MICU1: variants seen among roughly 807,000 people sequenced by gnomAD.
MICU1 encodes mitochondrial calcium uptake 1.
A neutral mutation model predicts 56.8 loss-of-function variants in MICU1; 45 were observed. The ratio of observed to expected loss-of-function variants is 0.79; its 90% CI spans 0.62 to 1.02. MICU1 has a LOEUF of 1.02. Ranked by LOEUF, MICU1 falls within the 50% of genes least tolerant of loss-of-function variation. The probability of loss-of-function intolerance (pLI) is 0.00; values close to 1 mark genes in which losing one functional copy is unlikely to be tolerated. For synonymous variants in MICU1, 186 were observed against 195.1 expected, an observed-to-expected ratio of 0.95 and a Z score of 0.39; for missense variants, 504 against 587.1, an observed-to-expected ratio of 0.86 and a Z score of 1.46.
chr10:72,563,212 C>T (rs1840344054), intron 2 of MICU1, 149 bp from the exon 3 acceptor site: 2 of 544,496 alleles, frequency 3.7e-6, no homozygotes, highest in Admixed American at 8.3e-5. Context: ...TAAAATAGAA[C>T]TTCCACATGA....
At chr10:72,514,369 G>C (rs1325937299) in intron 5 of MICU1, among the ~76,000 whole-genome samples, 1 of 151,746 alleles carries the variant, frequency 6.6e-6, no homozygotes, top group Non-Finnish European at 1.5e-5. Flanking sequence ...TGATTGGGCT[G>C]TAATTTATTG....
At chr10:72,408,073 T>C in intron 9 of MICU1, 36 bp from the exon 10 acceptor site, 2 of 1,442,022 alleles carry the variant, frequency 1.4e-6, no homozygotes, top group Non-Finnish European at 1.9e-6. Context: ...AGGCAGGACC[T>C]GTAACAAAAA....
At chr10:72,393,545 A>G (rs6480620) in intron 10 of MICU1, among the ~76,000 whole-genome samples, 10,878 of 152,126 alleles carry the variant, frequency 0.072, 1,332 homozygotes, top group African/African-American at 0.25. Context: ...GAGTGGAGTG[A>G]ACTGGGAAAA....
rs140004868 is a variant in MICU1 at position 72,404,909 on chromosome 10, TTTAA to T, written c.1180+3016_1180+3019del. Among the ~76,000 whole-genome samples the T allele has an allele frequency of 6.6e-3, 1,008 of 152,302 alleles. 17 individuals carry two copies. Among genetic ancestry groups the T allele is most frequent in the African/African-American group, 0.023 (963 of 41,562 alleles). ...ATCCCTCATTTTATTTATTTACTTA[TTTAA>T]TTATTATTTTTGAGATGGAGTCTTG... On this transcript the variant is annotated intron_variant, in intron 10 of 11. Coordinates refer to ENST00000361114, the MANE Select transcript of MICU1 (RefSeq NM_001195518.2).
intron 10 of MICU1, among the ~76,000 whole-genome samples, chr10:72,390,344 A>G (rs1372948173): frequency 6.6e-6 from 1 of 152,228 alleles, no homozygotes; most frequent in African/African-American, 2.4e-5. Context: ...GATGGTCTGG[A>G]GTAAATCAAA....
rs1380658174 is a variant in MICU1 at position 72,563,003 on chromosome 10, C to T, written c.222G>A (p.Gly74=). 1.2e-6 allele frequency: 2 copies of T among 1,607,710 alleles called. No homozygotes were observed. Among genetic ancestry groups the T allele is most frequent in the South Asian group, 1.1e-5 (1 of 89,356 alleles). The change falls in exon 3 of 12, where the codon GGG becomes GGA. Residue 74 remains glycine, a synonymous_variant. Coordinates refer to ENST00000361114, the MANE Select transcript of MICU1 (RefSeq NM_001195518.2). ...AAACATCCCCTTCATCTTTATTCTT[C>T]CCTTTATCACCGATGTCACTTTTTA... ...DNLKSDIGDK[G]KNKDEGDVCN...
At chr10:72,595,549 T>C (rs1000080739) in intron 1 of MICU1, among the ~76,000 whole-genome samples, 2 of 143,124 alleles carry the variant, frequency 1.4e-5, no homozygotes, top group Non-Finnish European at 3.0e-5. Flanking sequence ...TAAGCAGAAA[T>C]ACAGGCAGAA....
intron 3 of MICU1, among the ~76,000 whole-genome samples, chr10:72,552,274 C>T (rs1840052716): frequency 6.6e-6 from 1 of 152,100 alleles, no homozygotes; most frequent in African/African-American, 2.4e-5. Flanking sequence ...AACTAAAAGG[C>T]TGTCTAGTTA....
chr10:72,414,218 C>G (rs765259058), intron 9 of MICU1, among the ~76,000 whole-genome samples: 17 of 152,084 alleles, frequency 1.1e-4, no homozygotes, highest in Non-Finnish European at 1.9e-4. Context: ...TGGAAACAAT[C>G]CAAATGTGAA....
chr10:72,394,963 G>C (rs12767341), intron 10 of MICU1, among the ~76,000 whole-genome samples: 1 of 151,872 alleles, frequency 6.6e-6, no homozygotes, highest in Non-Finnish European at 1.5e-5. Flanking sequence ...GGCAGATCAC[G>C]AGGTCAGGAG....
chr10:72,421,841 C>T (rs145912974), intron 9 of MICU1, among the ~76,000 whole-genome samples: 120 of 152,322 alleles, frequency 7.9e-4, no homozygotes, highest in African/African-American at 2.8e-3. Flanking sequence ...TATTTAATGG[C>T]GTTCCATTGC....
At chr10:72,524,715 A>G in intron 5 of MICU1, 1 of 1,231,618 alleles carries the variant, frequency 8.1e-7, no homozygotes. Flanking sequence ...AATTTAAAGC[A>G]CATGCTGCTG....
intron 1 of MICU1, among the ~76,000 whole-genome samples, chr10:72,602,366 G>A (rs542669996): frequency 5.3e-5 from 8 of 151,406 alleles, no homozygotes; most frequent in Non-Finnish European, 1.0e-4. Flanking sequence ...CAGAAGAATC[G>A]CTTGAACCCA....
intron 1 of MICU1, among the ~76,000 whole-genome samples, chr10:72,588,821 T>C (rs1841140762): frequency 6.6e-6 from 1 of 152,152 alleles, no homozygotes; most frequent in South Asian, 2.1e-4. Context: ...CAAAAATGTC[T>C]TTAGACATTA....
At chr10:72,591,883 C>T (rs563864287) in intron 1 of MICU1, among the ~76,000 whole-genome samples, 11 of 151,864 alleles carry the variant, frequency 7.2e-5, no homozygotes, top group Admixed American at 5.9e-4. Context: ...GTGGTGTGTG[C>T]GCCTGGAATC....
rs898849228 is a variant in MICU1, at chr10:72,594,635, A to C, written c.-1-27841T>G. Among the ~76,000 whole-genome samples, 4 of 152,276 alleles carry C rather than the reference A, an allele frequency of 2.6e-5. 1 individual carries two copies. ...AAAAGATAGCCAGGTGTGGTGGCTC[A>C]CATCTGCAATCCCAGCACTTTCAGG... On this transcript the variant is annotated intron_variant, in intron 1 of 11. Coordinates refer to ENST00000361114, the MANE Select transcript of MICU1 (RefSeq NM_001195518.2).
intron 4 of MICU1, among the ~76,000 whole-genome samples, chr10:72,544,069 A>G (rs568808430): frequency 6.8e-4 from 103 of 152,316 alleles, no homozygotes; most frequent in African/African-American, 2.3e-3. Context: ...TATGTTATCT[A>G]TAGATTCCAG....
chr10:72,473,729 C>T (rs1027816175), intron 8 of MICU1, among the ~76,000 whole-genome samples: 6 of 152,054 alleles, frequency 3.9e-5, no homozygotes, highest in African/African-American at 1.2e-4. Flanking sequence ...AATTTGTTCC[C>T]GCTCATCAGT....
At chr10:72,371,605 G>T (rs1466777900) in intron 11 of MICU1, among the ~76,000 whole-genome samples, 1 of 151,946 alleles carries the variant, frequency 6.6e-6, no homozygotes, top group Non-Finnish European at 1.5e-5. Flanking sequence ...TTAGCCAGGC[G>T]TGGTGGTGGG....
Sources: allele counts gnomAD v4.1 joint callset (sites outside exome capture counted in the v4.1 genomes callset), GRCh38; gene constraint gnomAD v4.1.1; transcripts MANE v1.5; gene names NCBI Gene and HGNC (gene_info 2026-07-23, HGNC 2026-07-21).